CNTNAP2: variants seen among roughly 807,000 people sequenced by gnomAD.
CNTNAP2 encodes contactin-associated protein-like 2.
CNTNAP2 carries 98 observed loss-of-function variants against 155.2 expected under a neutral mutation model. The observed-to-expected ratio is 0.63, with a 90% CI of 0.54 to 0.75. The LOEUF (loss-of-function observed/expected upper bound fraction) is 0.75, where lower values mean the gene tolerates loss of function less well. Among genes scored for constraint, CNTNAP2 ranks in the 30% least tolerant of loss-of-function variants. The pLI, the probability that CNTNAP2 is intolerant of heterozygous loss-of-function variation, is 0.00. For missense variants in CNTNAP2, 1,727 were observed against 1,688.1 expected (o/e 1.02, Z -0.40); for synonymous variants, 651 against 631.2 (o/e 1.03, Z -0.47).
intron 10 of CNTNAP2, among the ~76,000 whole-genome samples, chr7:147,398,589 C>CTTTTTTTTTTTTTT (rs58507416): frequency 1.1e-5 from 1 of 87,734 alleles, no homozygotes; most frequent in Non-Finnish European, 2.2e-5. Flanking sequence ...ACGATTTGAA[C>CTTTTTTTTTTTTTT]TTTTTTTTTT....
chr7:148,321,275 A>G (rs772794699), intron 21 of CNTNAP2, among the ~76,000 whole-genome samples: 1 of 152,230 alleles, frequency 6.6e-6, no homozygotes, highest in Non-Finnish European at 1.5e-5. Context: ...AGGAATTCCA[A>G]CCAATGTGTT....
In CNTNAP2 at chr7:146,910,153, G is replaced by C. The variant is rs879605340; in HGVS notation, c.402+70249G>C. 1.4e-4 allele frequency among the ~76,000 whole-genome samples: 19 copies of C among 135,294 alleles called. 1 individual carries two copies. The highest frequency in any genetic ancestry group is 5.0e-4 in the Admixed American group (7 of 13,974). The allele number at this position is 135,294 out of a possible 152,430, so 88.8% of individuals were successfully genotyped here. A position where few individuals can be genotyped will look rare whatever the true frequency, so the allele number is the denominator to read the frequency against. On this transcript the variant is annotated intron_variant, in intron 3 of 23. Coordinates refer to ENST00000361727, the MANE Select transcript of CNTNAP2 (RefSeq NM_014141.6). Reference sequence around the variant, plus strand: ...CAAACCACTGCTCAAGGAAATAAAAGAGGATACAAAGAAATGGAAGAACAT... The same window carrying C: ...CAAACCACTGCTCAAGGAAATAAAACAGGATACAAAGAAATGGAAGAACAT...
rs1391029486 is a variant in CNTNAP2 at position 146,160,271 on chromosome 7, C to A, written c.97+43298C>A. Among the ~76,000 whole-genome samples the A allele has an allele frequency of 2.6e-5, 4 of 152,172 alleles. No individual in the cohort carries two copies. The East Asian group carries it at 7.7e-4, about 29-fold the overall frequency. On this transcript the variant is annotated intron_variant, in intron 1 of 23. Transcript: ENST00000361727. Reference sequence around the variant, plus strand: ...ATCTAAAATTGACACCCTAACATCACAATTAAAAGAACTAGAAAAGCACGA... The same window carrying A: ...ATCTAAAATTGACACCCTAACATCAAAATTAAAAGAACTAGAAAAGCACGA...
chr7:146,497,408 A>G (rs543140755), intron 1 of CNTNAP2, among the ~76,000 whole-genome samples: 2 of 152,276 alleles, frequency 1.3e-5, no homozygotes, highest in South Asian at 4.1e-4. Context: ...TTTACCGTTT[A>G]CTATTTATTA....
intron 10 of CNTNAP2, among the ~76,000 whole-genome samples, chr7:147,432,023 A>G (rs1797474394): frequency 6.6e-6 from 1 of 152,184 alleles, no homozygotes; most frequent in African/African-American, 2.4e-5. Flanking sequence ...CCCATTTCTT[A>G]TATCCTGAAA....
intron 23 of CNTNAP2, among the ~76,000 whole-genome samples, chr7:148,413,401 A>AAAAAAAAAAACAT (rs1442990213): frequency 2.2e-5 from 1 of 45,376 alleles, no homozygotes; most frequent in African/African-American, 1.3e-4. Context: ...TCAAAAAAAA[A>AAAAAAAAAAACAT]ATATATATAT....
intron 1 of CNTNAP2, among the ~76,000 whole-genome samples, chr7:146,323,482 A>G (rs1801041557): frequency 6.6e-6 from 1 of 152,212 alleles, no homozygotes; most frequent in Non-Finnish European, 1.5e-5. Context: ...TAACGGCTAT[A>G]TAGGCATGAA....
At chr7:148,013,732 G>C (rs1802123480) in intron 15 of CNTNAP2, among the ~76,000 whole-genome samples, 1 of 152,148 alleles carries the variant, frequency 6.6e-6, no homozygotes, top group Admixed American at 6.5e-5. Context: ...GGAAAATGTA[G>C]GACTTGCTAT....
At chr7:146,420,198 C>G (rs947246594) in intron 1 of CNTNAP2, among the ~76,000 whole-genome samples, 4 of 152,084 alleles carry the variant, frequency 2.6e-5, no homozygotes, top group Non-Finnish European at 5.9e-5. Context: ...TTAACTTACA[C>G]AGGTAACTTT....
chr7:147,840,080 C>T (rs1289920987), intron 13 of CNTNAP2, among the ~76,000 whole-genome samples: 1 of 151,974 alleles, frequency 6.6e-6, no homozygotes, highest in Non-Finnish European at 1.5e-5. Flanking sequence ...AAGCCAAATA[C>T]CTCATGTTCT....
intron 3 of CNTNAP2, among the ~76,000 whole-genome samples, chr7:147,011,713 C>A (rs886292008): frequency 2.6e-5 from 4 of 152,088 alleles, no homozygotes; most frequent in African/African-American, 9.7e-5. Context: ...ACCAGAAGCC[C>A]TTTTTCCCAA....
At chr7:147,634,213 A>G (rs1039460614) in intron 12 of CNTNAP2, among the ~76,000 whole-genome samples, 1 of 152,252 alleles carries the variant, frequency 6.6e-6, no homozygotes, top group South Asian at 2.1e-4. Flanking sequence ...CTAAAAGTCC[A>G]TCAACCAATG....
intron 3 of CNTNAP2, among the ~76,000 whole-genome samples, chr7:147,023,726 C>T (rs1798854313): frequency 6.6e-6 from 1 of 152,220 alleles, no homozygotes; most frequent in South Asian, 2.1e-4. Context: ...TAGGCATCTG[C>T]CCTCCTTGGG....
intron 1 of CNTNAP2, among the ~76,000 whole-genome samples, chr7:146,529,665 T>C (rs1467393441): frequency 6.6e-6 from 1 of 152,010 alleles, no homozygotes; most frequent in East Asian, 1.9e-4. Context: ...CATACTGAAC[T>C]GGCTAATATT....
At chr7:147,414,941 CAAAAAAAAAAAAAAA>C (rs67048724) in intron 10 of CNTNAP2, among the ~76,000 whole-genome samples, 2 of 50,980 alleles carry the variant, frequency 3.9e-5, no homozygotes, top group African/African-American at 1.3e-4. Flanking sequence ...GACTCCTTCT[CAAAAAAAAAAAAAAA>C]AAAAAAAGAA....
chr7:147,949,779 A>G (rs1800894061), intron 14 of CNTNAP2, among the ~76,000 whole-genome samples: 1 of 152,128 alleles, frequency 6.6e-6, no homozygotes, highest in Non-Finnish European at 1.5e-5. Flanking sequence ...AGGAAACCCA[A>G]GTAGGATTCC....
chr7:148,316,892 G>A (rs1460590979), intron 21 of CNTNAP2, among the ~76,000 whole-genome samples: 1 of 152,208 alleles, frequency 6.6e-6, no homozygotes, highest in Non-Finnish European at 1.5e-5. Flanking sequence ...AATAAACAAT[G>A]TGGAGCTGCC....
At chr7:147,036,066 G>A (rs551852761) in intron 3 of CNTNAP2, among the ~76,000 whole-genome samples, 2 of 152,258 alleles carry the variant, frequency 1.3e-5, no homozygotes, top group Non-Finnish European at 2.9e-5. Flanking sequence ...TAATTTCAAA[G>A]ACTCTTAGTC....
In CNTNAP2 at chr7:146,929,815, G is replaced by A. The variant is rs535077723; in HGVS notation, c.402+89911G>A. The stretch of plus-strand genomic sequence containing the variant: ...ATGCAGAAGCCTCAGGAGCCAATGC[G>A]ATCAACCGGAAGAAAGGGTATCAGT... On this transcript the variant is annotated intron_variant, in intron 3 of 23. Transcript: ENST00000361727. Among the ~76,000 whole-genome samples the A allele has an allele frequency of 3.9e-5, 6 of 152,250 alleles. No homozygotes were observed. The South Asian group carries it at 6.2e-4, about 16-fold the overall frequency.
Sources: gnomAD v4.1 joint callset for allele counts (sites outside exome capture counted in the v4.1 genomes callset) on GRCh38, gnomAD v4.1.1 for gene constraint, MANE v1.5 for transcripts, NCBI Gene and HGNC (gene_info 2026-07-23, HGNC 2026-07-21) for gene names.